The following CTNNA2 variants were observed in gnomAD, a reference collection of about 807,000 sequenced individuals.
CTNNA2 encodes the protein catenin alpha 2.
Under a neutral mutation model 101.0 loss-of-function variants are expected in CTNNA2, and 42 were observed. That is an observed-to-expected ratio of 0.42 (90% CI 0.32 to 0.54). The LOEUF (loss-of-function observed/expected upper bound fraction) is 0.54. Ranked by LOEUF, CTNNA2 falls within the 20% of genes least tolerant of loss-of-function variation. The pLI is 0.14. For synonymous variants in CTNNA2, 450 were observed against 456.4 expected, an observed-to-expected ratio of 0.99 and a Z score of 0.18; for missense variants, 871 against 1,223.1, an observed-to-expected ratio of 0.71 and a Z score of 4.29.
At chr2:79,401,338 T>C (rs1057445919) in intron 4 of CTNNA2, among the ~76,000 whole-genome samples, 1 of 151,250 alleles carries the variant, frequency 6.6e-6, no homozygotes, top group Non-Finnish European at 1.5e-5. Context: ...AATATAAATA[T>C]ATATTTTTTT....
chr2:80,194,337 G>T (rs555012320), intron 7 of CTNNA2, among the ~76,000 whole-genome samples: 31 of 152,298 alleles, frequency 2.0e-4, no homozygotes, highest in African/African-American at 7.5e-4. Context: ...ACCGTGGATG[G>T]TAAATGCAGG....
intron 7 of CTNNA2, among the ~76,000 whole-genome samples, chr2:79,919,123 A>G (rs1292422608): frequency 6.6e-6 from 1 of 152,152 alleles, no homozygotes; most frequent in Non-Finnish European, 1.5e-5. Context: ...ACAAGCCTGG[A>G]CAAATAAGGA....
chr2:80,639,805 GAT>G (rs2149851633), intron 18 of CTNNA2, among the ~76,000 whole-genome samples: 1 of 152,056 alleles, frequency 6.6e-6, no homozygotes, highest in South Asian at 2.1e-4. Flanking sequence ...ACATCCTTTA[GAT>G]AAAAATATTT....
chr2:79,233,220 T>G (rs1278471667), intron 2 of CTNNA2, among the ~76,000 whole-genome samples: 1 of 152,206 alleles, frequency 6.6e-6, no homozygotes, highest in Non-Finnish European at 1.5e-5. Context: ...TTAACATTGT[T>G]TTAGCTGCAT....
At chr2:80,595,300 A>G (rs767192516) in intron 15 of CTNNA2, among the ~76,000 whole-genome samples, 2 of 152,022 alleles carry the variant, frequency 1.3e-5, no homozygotes, top group African/African-American at 4.8e-5. Context: ...TTTATTTACT[A>G]GTGTCTAGAA....
chr2:79,917,112 G>T (rs915892954), intron 7 of CTNNA2, among the ~76,000 whole-genome samples: 2 of 151,024 alleles, frequency 1.3e-5, no homozygotes, highest in African/African-American at 4.9e-5. Flanking sequence ...TTGCTTTGTG[G>T]CCAGGCTGTA....
At chr2:80,108,968 C>T (rs1045157063) in intron 7 of CTNNA2, among the ~76,000 whole-genome samples, 5 of 152,076 alleles carry the variant, frequency 3.3e-5, no homozygotes, top group African/African-American at 1.2e-4. Flanking sequence ...CATGTGTGAC[C>T]CCATAAAAAT....
chr2:79,676,842 T>C (rs143488425), intron 2 of CTNNA2, among the ~76,000 whole-genome samples: 2 of 152,350 alleles, frequency 1.3e-5, no homozygotes, highest in African/African-American at 4.8e-5. Flanking sequence ...GCTATCTAGA[T>C]AAATTTCTTC....
rs35209888 is a variant in CTNNA2 at position 80,306,796 on chromosome 2, GA to G, written c.1057-86404del. Among the ~76,000 whole-genome samples the G allele has an allele frequency of 7.0e-3, 1,033 of 147,388 alleles. 10 individuals carry two copies. Among genetic ancestry groups the G allele is most frequent in the African/African-American group, 0.022 (891 of 40,332 alleles). Reference sequence around the variant, plus strand: ...ACCACCCAATCCCTAGGGTTGCTAGGAAAAAAAAAAATCCTCCTAATGCTGG... The same window carrying G: ...ACCACCCAATCCCTAGGGTTGCTAGGAAAAAAAAAATCCTCCTAATGCTGG... On this transcript the variant is annotated intron_variant, in intron 7 of 18. Transcript: ENST00000402739.
intron 9 of CTNNA2, among the ~76,000 whole-genome samples, chr2:80,454,931 T>C (rs1384574996): frequency 1.3e-5 from 2 of 152,234 alleles, no homozygotes; most frequent in Non-Finnish European, 2.9e-5. Flanking sequence ...ACAAGGAAGC[T>C]GTGAAATCAT....
chr2:79,706,383 A>G (rs931582162), intron 2 of CTNNA2, among the ~76,000 whole-genome samples: 1 of 151,398 alleles, frequency 6.6e-6, no homozygotes, highest in African/African-American at 2.4e-5. Flanking sequence ...AAAAAAAAAA[A>G]AAAAATTAGC....
intron 3 of CTNNA2, among the ~76,000 whole-genome samples, chr2:79,770,618 C>G (rs146830958): frequency 6.6e-6 from 1 of 151,956 alleles, no homozygotes; most frequent in Admixed American, 6.6e-5. Flanking sequence ...TTAACATTTG[C>G]AAAATATGGG....
intron 6 of CTNNA2, among the ~76,000 whole-genome samples, chr2:79,878,288 T>C (rs1683175944): frequency 6.6e-6 from 1 of 152,224 alleles, no homozygotes. Context: ...CATGTGGATG[T>C]GGCTTTACGG....
intron 2 of CTNNA2, among the ~76,000 whole-genome samples, chr2:79,725,129 A>G (rs1686747936): frequency 6.6e-6 from 1 of 152,188 alleles, no homozygotes; most frequent in Non-Finnish European, 1.5e-5. Context: ...ATGATGATAT[A>G]TGTCTTTCAG....
chr2:79,542,762 ATATT>A (rs1254764453), intron 1 of CTNNA2, among the ~76,000 whole-genome samples: 3 of 152,298 alleles, frequency 2.0e-5, no homozygotes, highest in Non-Finnish European at 4.4e-5. Flanking sequence ...ATACACACAC[ATATT>A]TATTTATTTT....
chr2:79,608,016 C>A (rs936426259), intron 1 of CTNNA2, among the ~76,000 whole-genome samples: 4 of 151,556 alleles, frequency 2.6e-5, no homozygotes, highest in African/African-American at 7.3e-5. Context: ...TAGTAAGTCT[C>A]TAGCCAGACT....
chr2:79,954,578 G>A (rs1191278880), intron 7 of CTNNA2, among the ~76,000 whole-genome samples: 1 of 152,152 alleles, frequency 6.6e-6, no homozygotes, highest in East Asian at 1.9e-4. Context: ...CCTTCCAAGA[G>A]CATAATTAGA....
chr2:79,427,606 GTTCT>G (rs1256748125), intron 4 of CTNNA2, among the ~76,000 whole-genome samples: 2 of 144,400 alleles, frequency 1.4e-5, no homozygotes, highest in African/African-American at 5.1e-5. Flanking sequence ...CTCTAGGAAC[GTTCT>G]TTCTTTAATA....
intron 7 of CTNNA2, among the ~76,000 whole-genome samples, chr2:80,134,749 G>C (rs1702600445): frequency 6.6e-6 from 1 of 152,138 alleles, no homozygotes; most frequent in Non-Finnish European, 1.5e-5. Context: ...CTTGCTCTGG[G>C]CTTGAAATTG....
Sources: allele counts gnomAD v4.1 joint callset (sites outside exome capture counted in the v4.1 genomes callset), GRCh38; gene constraint gnomAD v4.1.1; transcripts MANE v1.5; gene names NCBI Gene and HGNC (gene_info 2026-07-23, HGNC 2026-07-21).